DSCAM: variants seen among roughly 807,000 people sequenced by gnomAD.
DSCAM encodes cell adhesion molecule DSCAM.
In DSCAM, 47 loss-of-function variants were observed where a neutral mutation model predicts 217.7. The ratio of observed to expected loss-of-function variants is 0.22; its 90% CI spans 0.17 to 0.28. The LOEUF (loss-of-function observed/expected upper bound fraction) is 0.28. Ranked by LOEUF, DSCAM falls within the 10% of genes least tolerant of loss-of-function variation. The probability of loss-of-function intolerance (pLI) is 1.00; values close to 1 mark genes in which losing one functional copy is unlikely to be tolerated. For synonymous variants in DSCAM, 1,056 were observed against 1,015.3 expected (o/e 1.04, Z -0.76); for missense variants, 2,080 against 2,618.3 (o/e 0.79, Z 4.49).
intron 16 of DSCAM, among the ~76,000 whole-genome samples, chr21:40,146,828 G>A (rs2090363103): frequency 6.6e-6 from 1 of 152,146 alleles, no homozygotes; most frequent in African/African-American, 2.4e-5. Context: ...GCATTGATGA[G>A]CTATGGCTTT....
At position 40,312,274 on chromosome 21, in the gene DSCAM, G is replaced by A. The variant is rs765913214; in HGVS notation, c.1869C>T (p.Asp623=). The A allele has an allele frequency of 6.2e-7, 1 of 1,614,136 alleles. No individual in the cohort carries two copies. Among genetic ancestry groups the A allele is most frequent in the Non-Finnish European group, 8.5e-7 (1 of 1,180,020 alleles). ...TCTGCCAGGTGATCGTGATGGGTAA[G>A]TCCCCTGAGACCACAACACAGGGGA... ...VFIPCVVVSG[D]LPITITWQKD... Residue 623 remains aspartate, a synonymous_variant, in exon 9 of 33, where the codon GAC becomes GAT. Transcript: ENST00000400454.
chr21:40,372,238 T>C (rs2074906136), intron 3 of DSCAM, among the ~76,000 whole-genome samples: 1 of 152,192 alleles, frequency 6.6e-6, no homozygotes, highest in African/African-American at 2.4e-5. Flanking sequence ...TTCCATGTCA[T>C]ATGGATTAAA....
chr21:40,676,827 A>G (rs1315907811), intron 3 of DSCAM, among the ~76,000 whole-genome samples: 1 of 152,188 alleles, frequency 6.6e-6, no homozygotes, highest in African/African-American at 2.4e-5. Flanking sequence ...GAATCCTAGA[A>G]TAACTTTTTT....
intron 4 of DSCAM, among the ~76,000 whole-genome samples, chr21:40,367,161 T>C (rs1229044232): frequency 6.6e-6 from 1 of 152,162 alleles, no homozygotes; most frequent in Non-Finnish European, 1.5e-5. Context: ...CTAGACCTCA[T>C]GCAGTTCTAT....
intron 3 of DSCAM, among the ~76,000 whole-genome samples, chr21:40,534,483 G>A (rs2076479651): frequency 6.6e-6 from 1 of 152,116 alleles, no homozygotes; most frequent in Admixed American, 6.5e-5. Flanking sequence ...GAGTCTTCCT[G>A]CACAAAGGGT....
At position 40,193,811 on chromosome 21, in the gene DSCAM, T is replaced by C. The variant is rs368995337; in HGVS notation, c.2357-4573A>G. On this transcript the variant is annotated intron_variant, in intron 11 of 32. Transcript: ENST00000400454. ...TTGAGAACTTGGTAAGTCACCATCA[T>C]CACCTCCCAAATCCAGGGTAGTTTA... 7.0e-4 allele frequency among the ~76,000 whole-genome samples: 106 copies of C among 152,320 alleles called. 1 individual carries two copies. The highest frequency in any genetic ancestry group is 1.8e-4 in the Non-Finnish European group (12 of 68,032).
intron 3 of DSCAM, among the ~76,000 whole-genome samples, chr21:40,514,347 T>G (rs956876771): frequency 1.2e-4 from 18 of 152,220 alleles, no homozygotes; most frequent in Non-Finnish European, 2.9e-5. Flanking sequence ...CAAGGCCATC[T>G]TATTAATTGG....
chr21:40,073,293 C>T (rs1298415079), intron 27 of DSCAM, among the ~76,000 whole-genome samples: 1 of 152,186 alleles, frequency 6.6e-6, no homozygotes, highest in East Asian at 1.9e-4. Flanking sequence ...AGATGCTTAA[C>T]TCTTGTGATT....
intron 1 of DSCAM, among the ~76,000 whole-genome samples, chr21:40,833,804 T>C (rs1407826842): frequency 6.6e-6 from 1 of 152,188 alleles, no homozygotes; most frequent in Non-Finnish European, 1.5e-5. Context: ...TTACGGTAAC[T>C]AGACTCTGAG....
At chr21:40,280,104 T>C (rs1043156967) in intron 10 of DSCAM, among the ~76,000 whole-genome samples, 2 of 151,684 alleles carry the variant, frequency 1.3e-5, no homozygotes, top group Non-Finnish European at 2.9e-5. Flanking sequence ...GTTCTGCACA[T>C]GTATCCCAGA....
intron 3 of DSCAM, among the ~76,000 whole-genome samples, chr21:40,397,654 A>C (rs1436987930): frequency 6.6e-6 from 1 of 152,084 alleles, no homozygotes; most frequent in Non-Finnish European, 1.5e-5. Flanking sequence ...TAGGACCTAG[A>C]CTGAACCCCT....
At chr21:40,265,209 A>G (rs909230555) in intron 11 of DSCAM, among the ~76,000 whole-genome samples, 3 of 151,166 alleles carry the variant, frequency 2.0e-5, no homozygotes, top group Non-Finnish European at 4.4e-5. Context: ...AAAAAAAGAA[A>G]AAAAAAAGAA....
At chr21:40,685,690 AG>A (rs962624914) in intron 3 of DSCAM, among the ~76,000 whole-genome samples, 33 of 152,318 alleles carry the variant, frequency 2.2e-4, no homozygotes, top group African/African-American at 7.5e-4. Context: ...ATTAAGTCAC[AG>A]CCATGGATGC....
At chr21:40,164,615 T>A (rs564715078) in intron 16 of DSCAM, among the ~76,000 whole-genome samples, 2 of 152,096 alleles carry the variant, frequency 1.3e-5, no homozygotes, top group South Asian at 4.2e-4. Flanking sequence ...CTGGCCAACA[T>A]GGTGAAAACC....
chr21:40,462,565 T>G (rs904985098), intron 3 of DSCAM, among the ~76,000 whole-genome samples: 1 of 152,172 alleles, frequency 6.6e-6, no homozygotes, highest in African/African-American at 2.4e-5. Flanking sequence ...ATTAGAATGC[T>G]TAGGCAGGGG....
intron 3 of DSCAM, among the ~76,000 whole-genome samples, chr21:40,630,237 A>G (rs1317585992): frequency 6.6e-6 from 1 of 152,236 alleles, no homozygotes; most frequent in Non-Finnish European, 1.5e-5. Context: ...TGAGGTGAGA[A>G]TAAAATCTAC....
intron 27 of DSCAM, among the ~76,000 whole-genome samples, chr21:40,074,721 G>A (rs527389198): frequency 6.6e-6 from 1 of 152,282 alleles, no homozygotes; most frequent in South Asian, 2.1e-4. Flanking sequence ...GCCACAATTG[G>A]TGGCTTTGCT....
At chr21:40,289,133 G>C (rs1390002714) in intron 10 of DSCAM, among the ~76,000 whole-genome samples, 1 of 152,224 alleles carries the variant, frequency 6.6e-6, no homozygotes, top group East Asian at 1.9e-4. Flanking sequence ...GAGAAGCCTA[G>C]AAAAATGTAA....
chr21:40,292,500 CA>C (rs202072553), intron 10 of DSCAM, among the ~76,000 whole-genome samples: 304 of 133,646 alleles, frequency 2.3e-3, no homozygotes, highest in Middle Eastern at 8.0e-3. Flanking sequence ...TGGAAAATGT[CA>C]AAAAAAAAAA....
Sources: allele counts gnomAD v4.1 joint callset (sites outside exome capture counted in the v4.1 genomes callset), GRCh38; gene constraint gnomAD v4.1.1; transcripts MANE v1.5; gene names NCBI Gene and HGNC (gene_info 2026-07-23, HGNC 2026-07-21).